The following LIMCH1 variants were observed in gnomAD, a reference collection of about 807,000 sequenced individuals.
The protein encoded by LIMCH1 is LIM and calponin homology domains 1, also known as LIM and calponin homology domains-containing protein 1.
A neutral mutation model predicts 176.5 loss-of-function variants in LIMCH1; 113 were observed. The ratio of observed to expected loss-of-function variants is 0.64; its 90% confidence interval spans 0.55 to 0.75. The LOEUF (loss-of-function observed/expected upper bound fraction) is 0.75. Ranked by LOEUF, LIMCH1 falls within the 30% of genes least tolerant of loss-of-function variation. LIMCH1 has a pLI of 0.00. For missense variants in LIMCH1, 1,674 were observed against 1,814.9 expected (o/e 0.92, Z 1.41); for synonymous variants, 619 against 645.9 (o/e 0.96, Z 0.63).
At chr4:41,656,260 A>C (rs148196792) in intron 18 of LIMCH1, among the ~76,000 whole-genome samples, 1 of 152,346 alleles carries the variant, frequency 6.6e-6, no homozygotes, top group African/African-American at 2.4e-5. Flanking sequence ...GGGTGAAGGC[A>C]TTTGAGTAGG....
chr4:41,549,590 C>G (rs1047976817), intron 1 of LIMCH1, among the ~76,000 whole-genome samples: 1 of 152,084 alleles, frequency 6.6e-6, no homozygotes, highest in African/African-American at 2.4e-5. Context: ...TGCAATGAAG[C>G]TAAACAATTT....
rs528537621 is a variant in LIMCH1 at position 41,367,059 on chromosome 4, C to T, written c.96+6123C>T. 2.0e-5 allele frequency among the ~76,000 whole-genome samples: 3 copies of T among 152,266 alleles called. No homozygotes were observed. In the South Asian group the frequency reaches 6.2e-4, roughly 32 times the overall value. On this transcript the variant is annotated intron_variant, in intron 1 of 26. Coordinates refer to the LIMCH1 transcript ENST00000313860. ...TGCCAAATGCTTTTAAAACCATTAG[C>T]TCTCATGAGAACTCACTCACCATCA...
At position 41,627,018 on chromosome 4, in the gene LIMCH1, T is replaced by C; in HGVS notation, c.1028+8T>C. On this transcript the variant is annotated splice_region_variant and intron_variant, in intron 8 of 31. Transcript: ENST00000503057. ...AAGTCTAGAATATAAAAGGTGTGCA[T>C]GGTGTGTGTGTGTGTGTGTGTGTGT... 7.6e-7 allele frequency: 1 copy of C among 1,307,728 alleles called. No individual in the cohort carries two copies. The allele number at this position is 1,307,728 out of a possible 1,614,324, so 81.0% of individuals were successfully genotyped here. A position where few individuals can be genotyped will look rare whatever the true frequency, so the allele number is the denominator to read the frequency against.
intron 4 of LIMCH1, among the ~76,000 whole-genome samples, chr4:41,607,094 C>T (rs950242113): frequency 3.3e-5 from 5 of 152,186 alleles, no homozygotes; most frequent in African/African-American, 9.7e-5. Context: ...CCACCGCACC[C>T]GGCCCCTCCA....
intron 3 of LIMCH1, among the ~76,000 whole-genome samples, chr4:41,531,474 T>TCTCA (rs777097315): frequency 7.1e-5 from 9 of 127,082 alleles, no homozygotes; most frequent in South Asian, 5.8e-4. Flanking sequence ...TCTTTCTCTG[T>TCTCA]CACACACACA....
intron 1 of LIMCH1, among the ~76,000 whole-genome samples, chr4:41,423,459 A>AAAG (rs1227518421): frequency 6.6e-6 from 1 of 151,992 alleles, no homozygotes; most frequent in African/African-American, 2.4e-5. Context: ...TAAAAAAAAA[A>AAAG]AAGGAATCCT....
chr4:41,465,352 G>A (rs1240678429), intron 1 of LIMCH1, among the ~76,000 whole-genome samples: 1 of 152,126 alleles, frequency 6.6e-6, no homozygotes, highest in African/African-American at 2.4e-5. Context: ...GTGGTGATGA[G>A]TCTCAAGTCC....
chr4:41,556,212 T>C (rs747467544), intron 1 of LIMCH1, among the ~76,000 whole-genome samples: 1 of 151,884 alleles, frequency 6.6e-6, no homozygotes, highest in Non-Finnish European at 1.5e-5. Flanking sequence ...CTGACCAACA[T>C]GGCAAAACCC....
chr4:41,506,778 C>A (rs1405429571), intron 2 of LIMCH1, among the ~76,000 whole-genome samples: 18 of 152,184 alleles, frequency 1.2e-4, no homozygotes, highest in Admixed American at 1.0e-3. Context: ...TCATAACACT[C>A]TGGTCACAAA....
chr4:41,596,335 G>C (rs985685015), intron 1 of LIMCH1, among the ~76,000 whole-genome samples: 1 of 151,850 alleles, frequency 6.6e-6, no homozygotes, highest in Non-Finnish European at 1.5e-5. Flanking sequence ...TCTGGAAAAT[G>C]ATGTGACCCA....
intron 13 of LIMCH1, among the ~76,000 whole-genome samples, chr4:41,635,370 T>C (rs549331645): frequency 6.6e-6 from 1 of 152,158 alleles, no homozygotes; most frequent in African/African-American, 2.4e-5. Flanking sequence ...TGGGATTATA[T>C]GCGCCCTCCA....
chr4:41,681,519 A>AC (rs945484296), intron 25 of LIMCH1, among the ~76,000 whole-genome samples: 7 of 151,990 alleles, frequency 4.6e-5, no homozygotes, highest in East Asian at 3.9e-4. Context: ...ATTGCTTCTA[A>AC]CCCCCCCACA....
intron 1 of LIMCH1, among the ~76,000 whole-genome samples, chr4:41,380,265 CTT>C: frequency 6.6e-6 from 1 of 152,182 alleles, no homozygotes; most frequent in East Asian, 1.9e-4. Context: ...GTTCTGGAAA[CTT>C]TTATTTAAAC....
chr4:41,430,672 A>G (rs554678951), intron 1 of LIMCH1, among the ~76,000 whole-genome samples: 1 of 152,362 alleles, frequency 6.6e-6, no homozygotes, highest in East Asian at 1.9e-4. Context: ...TAATCTTCAG[A>G]ACTTAAATAT....
intron 6 of LIMCH1, 176 bp downstream of exon 6, chr4:41,619,616 C>T (rs2092408268): frequency 1.2e-5 from 9 of 775,378 alleles, no homozygotes; most frequent in East Asian, 2.7e-5. Flanking sequence ...ATAGAAGCTT[C>T]GTGAGTGCGC....
chr4:41,383,503 G>A (rs1420178898), intron 1 of LIMCH1, among the ~76,000 whole-genome samples: 1 of 152,124 alleles, frequency 6.6e-6, no homozygotes, highest in African/African-American at 2.4e-5. Flanking sequence ...AGAGAAAACT[G>A]CACATCTGAG....
At chr4:41,663,985 A>G (rs368330085) in intron 20 of LIMCH1, among the ~76,000 whole-genome samples, 1 of 151,982 alleles carries the variant, frequency 6.6e-6, no homozygotes, top group Non-Finnish European at 1.5e-5. Flanking sequence ...GGCTGCTGTG[A>G]GCTGTGATTA....
chr4:41,583,925 G>GT lies in LIMCH1; in HGVS notation c.-240-14986dup, dbSNP rs971955802. Among the ~76,000 whole-genome samples the GT allele has an allele frequency of 3.4e-4, 51 of 151,510 alleles. No individual in the cohort carries two copies. In the East Asian group the frequency reaches 5.0e-3, roughly 15 times the overall value. On this transcript the variant is annotated intron_variant, in intron 1 of 31. Coordinates refer to ENST00000503057, the MANE Select transcript of LIMCH1 (RefSeq NM_001330672.2). ...CGAAATTACTTCAGGTTTGTTTTGG[G>GT]TTTTTTTTTATTTTGTGGTGTTTCC...
intron 3 of LIMCH1, among the ~76,000 whole-genome samples, chr4:41,531,812 G>A (rs966610010): frequency 2.0e-5 from 3 of 152,136 alleles, no homozygotes; most frequent in Admixed American, 2.0e-4. Flanking sequence ...CTGCTACTCT[G>A]TGTTCTCTGT....
Sources: allele counts gnomAD v4.1 joint callset (sites outside exome capture counted in the v4.1 genomes callset), GRCh38; gene constraint gnomAD v4.1.1; transcripts MANE v1.5; gene names NCBI Gene and HGNC (gene_info 2026-07-23, HGNC 2026-07-21).